The following ADAM23 variants were observed in gnomAD, a reference collection of about 807,000 sequenced individuals.
ADAM23 encodes the protein ADAM metallopeptidase domain 23.
A neutral mutation model predicts 120.1 loss-of-function variants in ADAM23; 33 were observed. The observed-to-expected ratio is 0.27, with a 90% CI of 0.21 to 0.37. The LOEUF (loss-of-function observed/expected upper bound fraction) is 0.37. Among genes scored for constraint, ADAM23 ranks in the 10% least tolerant of loss-of-function variants. The pLI, the probability that ADAM23 is intolerant of heterozygous loss-of-function variation, is 1.00. For missense variants in ADAM23, 862 were observed against 1,058.2 expected (o/e 0.81, Z 2.57); for synonymous variants, 367 against 375.2 (o/e 0.98, Z 0.25).
At chr2:206,599,655 T>C (rs936882904) in intron 24 of ADAM23, among the ~76,000 whole-genome samples, 1 of 152,242 alleles carries the variant, frequency 6.6e-6, no homozygotes, top group African/African-American at 2.4e-5. Flanking sequence ...CAAATATTTA[T>C]TGACTGTCTA....
At chr2:206,579,125 G>C (rs1023156793) in intron 18 of ADAM23, among the ~76,000 whole-genome samples, 1 of 151,950 alleles carries the variant, frequency 6.6e-6, no homozygotes, top group Admixed American at 6.6e-5. Context: ...GTAGATTCTG[G>C]ATATTATTTC....
chr2:206,468,627 GTCT>G (rs1362701823), intron 2 of ADAM23, among the ~76,000 whole-genome samples: 2 of 152,114 alleles, frequency 1.3e-5, no homozygotes, highest in African/African-American at 4.8e-5. Flanking sequence ...CCCATCTTCT[GTCT>G]TCTTCTGAGC....
intron 10 of ADAM23, 97 bp downstream of exon 10, chr2:206,557,595 A>G (rs374081095): frequency 7.8e-6 from 9 of 1,156,832 alleles, no homozygotes; most frequent in South Asian, 5.0e-5. Context: ...ACAAATTTAA[A>G]AACACAATCC....
chr2:206,548,375 T>C, intron 8 of ADAM23, 21 bp downstream of exon 8: 3 of 1,602,072 alleles, frequency 1.9e-6, no homozygotes, highest in Non-Finnish European at 2.5e-6. Flanking sequence ...CATTGAGCCT[T>C]GGGTGGGCCT....
At chr2:206,445,056 G>GA (rs1695051249) in intron 1 of ADAM23, among the ~76,000 whole-genome samples, 1 of 149,220 alleles carries the variant, frequency 6.7e-6, no homozygotes, top group Non-Finnish European at 1.5e-5. Flanking sequence ...GTATATATAA[G>GA]ACATAAATCA....
intron 9 of ADAM23, among the ~76,000 whole-genome samples, chr2:206,556,842 C>T (rs1697653620): frequency 6.6e-6 from 1 of 152,132 alleles, no homozygotes; most frequent in South Asian, 2.1e-4. Context: ...CAAATGCTGT[C>T]CATATCATGG....
chr2:206,491,410 T>C (rs747747203), intron 3 of ADAM23, among the ~76,000 whole-genome samples: 2 of 152,198 alleles, frequency 1.3e-5, no homozygotes, highest in Admixed American at 6.5e-5. Context: ...TGGGATCATA[T>C]TACACTGTTT....
chr2:206,557,802 T>G (rs995786906), intron 10 of ADAM23, among the ~76,000 whole-genome samples: 2 of 152,228 alleles, frequency 1.3e-5, no homozygotes, highest in South Asian at 4.1e-4. Context: ...TATTTGCTAT[T>G]ATACTGGCAA....
intron 24 of ADAM23, among the ~76,000 whole-genome samples, chr2:206,603,614 C>A (rs1329658827): frequency 6.6e-6 from 1 of 152,088 alleles, no homozygotes; most frequent in Non-Finnish European, 1.5e-5. Context: ...GGAAATTATT[C>A]TTTCTCATTG....
intron 2 of ADAM23, among the ~76,000 whole-genome samples, chr2:206,477,900 A>G: frequency 8.8e-6 from 1 of 113,768 alleles, no homozygotes; most frequent in Non-Finnish European, 1.8e-5. Flanking sequence ...AAAAAAAAAT[A>G]TATATATATA....
In ADAM23 at chr2:206,530,916, C is replaced by G; in HGVS notation, c.541C>G (p.His181Asp). 1.2e-6 allele frequency: 2 copies of G among 1,613,780 alleles called. No individual in the cohort carries two copies. Among genetic ancestry groups the G allele is most frequent in the Non-Finnish European group, 1.7e-6 (2 of 1,179,856 alleles). ...GTTGTCTTCTGATTATGTGGAGATT[C>G]ACTACGAAAATGGGAAACCACAGTA... ...GLLSSDYVEI[H>D]YENGKPQYSK... The change falls in exon 4 of 26, where the codon CAC becomes GAC. Residue 181 changes from histidine (H) to aspartate (D), a missense_variant. Around this residue, in one of 4 missense-constraint regions of ADAM23, gnomAD observed 617 missense variants for 813.5 expected, o/e 0.76. Transcript: ENST00000264377.
chr2:206,594,698 G>A (rs756458910), intron 22 of ADAM23, 39 bp from the exon 23 acceptor site: 8 of 1,610,126 alleles, frequency 5.0e-6, no homozygotes, highest in Non-Finnish European at 6.8e-6. Flanking sequence ...TGTTCTAAGT[G>A]TGGTGCAAAT....
intron 3 of ADAM23, among the ~76,000 whole-genome samples, chr2:206,508,167 C>A (rs1172486385): frequency 2.0e-5 from 3 of 152,026 alleles, no homozygotes; most frequent in Non-Finnish European, 4.4e-5. Context: ...GTAGCTGGGA[C>A]TACAGGCATC....
intron 21 of ADAM23, among the ~76,000 whole-genome samples, chr2:206,590,250 A>T (rs542326372): frequency 1.3e-5 from 2 of 152,126 alleles, no homozygotes. Context: ...GGCATCTGCC[A>T]CCATGCCCGG....
chr2:206,606,376 G>GCTTAATTTCAT (rs1698728798), intron 24 of ADAM23: 1 of 152,132 alleles, frequency 6.6e-6, no homozygotes, highest in Non-Finnish European at 1.5e-5. Context: ...GAATGATATA[G>GCTTAATTTCAT]GAGGCTGCAG....
intron 2 of ADAM23, among the ~76,000 whole-genome samples, chr2:206,460,060 C>A (rs1024297564): frequency 2.0e-5 from 3 of 151,872 alleles, no homozygotes; most frequent in African/African-American, 4.8e-5. Flanking sequence ...TGGATCATTT[C>A]ACTCTTGGCT....
intron 18 of ADAM23, among the ~76,000 whole-genome samples, chr2:206,578,321 C>G (rs548205057): frequency 2.8e-4 from 42 of 152,084 alleles, no homozygotes; most frequent in African/African-American, 9.6e-4. Flanking sequence ...ATACACTGCA[C>G]CATATTTGTA....
intron 3 of ADAM23, among the ~76,000 whole-genome samples, chr2:206,498,357 A>G (rs1696305112): frequency 6.6e-6 from 1 of 152,208 alleles, no homozygotes; most frequent in Non-Finnish European, 1.5e-5. Flanking sequence ...CATATCTACA[A>G]CTATCTGATC....
At chr2:206,541,320 A>G (rs1014346400) in intron 4 of ADAM23, among the ~76,000 whole-genome samples, 1 of 152,220 alleles carries the variant, frequency 6.6e-6, no homozygotes. Context: ...ACACATAAAC[A>G]ATGAATATAG....
Sources: allele counts gnomAD v4.1 joint callset (sites outside exome capture counted in the v4.1 genomes callset), GRCh38; gene constraint gnomAD v4.1.1; regional missense constraint gnomAD v4.1.1; transcripts MANE v1.5; gene names NCBI Gene and HGNC (gene_info 2026-07-23, HGNC 2026-07-21).